The following CSMD1 variants were observed in gnomAD, a reference collection of about 807,000 sequenced individuals.
CSMD1 encodes the protein CUB and Sushi multiple domains 1, also known as CUB and sushi domain-containing protein 1.
CSMD1 carries 213 observed loss-of-function variants against 417.5 expected under a neutral mutation model. The ratio of observed to expected loss-of-function variants is 0.51; its 90% CI spans 0.46 to 0.57. CSMD1 has a LOEUF of 0.57. Ranked by LOEUF, CSMD1 falls within the 20% of genes least tolerant of loss-of-function variation. The pLI, the probability that CSMD1 is intolerant of heterozygous loss-of-function variation, is 0.00. For missense variants in CSMD1, 6,923 were observed against 4,529.7 expected, an observed-to-expected ratio of 1.53 and a Z score of -15.17; for synonymous variants, 2,862 against 1,736.8, an observed-to-expected ratio of 1.65 and a Z score of -16.11.
intron 7 of CSMD1, among the ~76,000 whole-genome samples, chr8:3,646,170 A>C (rs901544215): frequency 3.3e-5 from 5 of 152,132 alleles, no homozygotes; most frequent in Admixed American, 6.5e-5. Context: ...AAAATGAAAA[A>C]GGTGAACAAA....
Position 3,447,696 on chromosome 8 carries a change from TG to T in CSMD1, c.1561+21015del, listed in dbSNP as rs552565382. 7.9e-5 allele frequency among the ~76,000 whole-genome samples: 12 copies of T among 152,320 alleles called. No homozygotes were observed. In the South Asian group the frequency reaches 1.9e-3, roughly 24 times the overall value. On this transcript the variant is annotated intron_variant, in intron 12 of 69. Transcript: ENST00000635120. ...TTGGAAGGGCTCTGCTCCCACTTCC[TG>T]GGGGTTTGCTTCAGCCCTGTTGCAG...
intron 1 of CSMD1, among the ~76,000 whole-genome samples, chr8:4,913,829 A>C (rs1355608367): frequency 6.6e-6 from 1 of 152,198 alleles, no homozygotes; most frequent in Non-Finnish European, 1.5e-5. Context: ...CTTCATAACC[A>C]GAAGAGCTTC....
intron 3 of CSMD1, among the ~76,000 whole-genome samples, chr8:4,384,921 T>C (rs553854449): frequency 2.0e-5 from 3 of 152,298 alleles, no homozygotes; most frequent in Admixed American, 6.5e-5. Flanking sequence ...GGCTTCCAGA[T>C]CAAGGTAATC....
At chr8:3,990,275 C>A (rs1057459221) in intron 5 of CSMD1, among the ~76,000 whole-genome samples, 1 of 152,042 alleles carries the variant, frequency 6.6e-6, no homozygotes, top group Non-Finnish European at 1.5e-5. Context: ...TTGCCTACAG[C>A]TTAAATAATT....
At chr8:3,807,311 G>T (rs1325236060) in intron 5 of CSMD1, among the ~76,000 whole-genome samples, 1 of 152,102 alleles carries the variant, frequency 6.6e-6, no homozygotes, top group Non-Finnish European at 1.5e-5. Context: ...ATAAAATACA[G>T]TATCTGGTTT....
chr8:3,597,346 T>C (rs1419387353), intron 8 of CSMD1, among the ~76,000 whole-genome samples: 1 of 151,904 alleles, frequency 6.6e-6, no homozygotes, highest in African/African-American at 2.4e-5. Flanking sequence ...GGTTCCAATT[T>C]CCCTCACTCT....
At chr8:4,531,277 A>G (rs1238657903) in intron 2 of CSMD1, among the ~76,000 whole-genome samples, 2 of 152,236 alleles carry the variant, frequency 1.3e-5, no homozygotes, top group Non-Finnish European at 2.9e-5. Context: ...ATTAATTAAA[A>G]CAACAAAAAT....
intron 10 of CSMD1, among the ~76,000 whole-genome samples, chr8:3,565,901 T>G (rs1370913879): frequency 6.6e-6 from 1 of 152,182 alleles, no homozygotes; most frequent in Non-Finnish European, 1.5e-5. Flanking sequence ...AGGCTCTAGA[T>G]TTTCCTGCTT....
At chr8:3,498,336 C>T (rs78769529) in intron 10 of CSMD1, among the ~76,000 whole-genome samples, 1,903 of 152,236 alleles carry the variant, frequency 0.013, 44 homozygotes, top group East Asian at 0.11. Flanking sequence ...CAAAGTTTAA[C>T]GATCAAATCA....
chr8:4,387,064 C>G (rs747163521), intron 3 of CSMD1, among the ~76,000 whole-genome samples: 1 of 152,000 alleles, frequency 6.6e-6, no homozygotes, highest in Non-Finnish European at 1.5e-5. Flanking sequence ...AAACATAAAA[C>G]GGATGCACAG....
At position 4,519,415 on chromosome 8, in the gene CSMD1, T is replaced by C. The variant is rs534984405; in HGVS notation, c.303-99350A>G. Among the ~76,000 whole-genome samples, 5 of 151,952 alleles carry C rather than the reference T, an allele frequency of 3.3e-5. No individual in the cohort carries two copies. The East Asian group carries it at 7.8e-4, about 24-fold the overall frequency. On this transcript the variant is annotated intron_variant, in intron 2 of 69. Transcript: ENST00000635120. ...TAAATACATATTCAAAATTAATATA[T>C]GTATAAAAATTTTTAAAGTAGTTAA...
chr8:3,187,759 A>G (rs1796147328), intron 36 of CSMD1, 110 bp downstream of exon 36: 1 of 766,970 alleles, frequency 1.3e-6, no homozygotes, highest in Non-Finnish European at 2.2e-6. Flanking sequence ...ATGGAGATAG[A>G]AGAATTGTGT....
chr8:4,213,681 G>A (rs1166724935), intron 3 of CSMD1, among the ~76,000 whole-genome samples: 1 of 152,196 alleles, frequency 6.6e-6, no homozygotes, highest in Non-Finnish European at 1.5e-5. Flanking sequence ...AGCAGCCATG[G>A]GCCCTCCCTG....
At chr8:3,337,958 G>A (rs572444383) in intron 23 of CSMD1, among the ~76,000 whole-genome samples, 19 of 152,258 alleles carry the variant, frequency 1.2e-4, no homozygotes, top group South Asian at 1.0e-3. Context: ...TTTCCCTAAT[G>A]AGCCTCTTCA....
chr8:3,027,182 T>C (rs911971110), intron 51 of CSMD1, among the ~76,000 whole-genome samples: 2 of 152,102 alleles, frequency 1.3e-5, no homozygotes, highest in African/African-American at 4.8e-5. Flanking sequence ...ATCAGGCCTT[T>C]TGGGGGGAAA....
chr8:3,575,169 G>T, intron 9 of CSMD1, 103 bp from the exon 10 acceptor site: 83 of 706,258 alleles, frequency 1.2e-4, no homozygotes, highest in African/African-American at 1.8e-4. Flanking sequence ...TCTAATCACA[G>T]TAAAAAAAAA....
intron 3 of CSMD1, among the ~76,000 whole-genome samples, chr8:4,272,261 G>C (rs1480185823): frequency 6.6e-6 from 1 of 152,110 alleles, no homozygotes; most frequent in Non-Finnish European, 1.5e-5. Context: ...CTTCGAATCT[G>C]GGACTTTAAG....
At position 3,758,722 on chromosome 8, in the gene CSMD1, A is replaced by G. The variant is rs1797816716; in HGVS notation, c.819-4680T>C. Among the ~76,000 whole-genome samples the G allele has an allele frequency of 3.9e-5, 6 of 152,320 alleles. No homozygotes were observed. In the South Asian group the frequency reaches 1.2e-3, roughly 32 times the overall value. On this transcript the variant is annotated intron_variant, in intron 5 of 69. Transcript: ENST00000635120. ...TGTGGGAGGCAGAATCATACCTGCT[A>G]CAGACAGATCCCCAAGCCCCGAGGT...
At chr8:4,511,296 C>T (rs867439913) in intron 2 of CSMD1, among the ~76,000 whole-genome samples, 22 of 152,244 alleles carry the variant, frequency 1.4e-4, no homozygotes, top group African/African-American at 3.6e-4. Flanking sequence ...GAGCACTCAG[C>T]CTCACCTCAT....
Sources: allele counts gnomAD v4.1 joint callset (sites outside exome capture counted in the v4.1 genomes callset), GRCh38; gene constraint gnomAD v4.1.1; transcripts MANE v1.5; gene names NCBI Gene and HGNC (gene_info 2026-07-23, HGNC 2026-07-21).